CPED1: variants seen among roughly 807,000 people sequenced by gnomAD.
CPED1 encodes the protein cadherin like and PC-esterase domain containing 1, also known as cadherin-like and PC-esterase domain-containing protein 1.
A neutral mutation model predicts 128.2 loss-of-function variants in CPED1; 114 were observed. The ratio of observed to expected loss-of-function variants is 0.89; its 90% CI spans 0.76 to 1.04. CPED1 has a LOEUF of 1.04. Ranked by LOEUF, CPED1 falls within the 50% of genes least tolerant of loss-of-function variation. CPED1 has a pLI of 0.00. For synonymous variants in CPED1, 462 were observed against 426.7 expected (o/e 1.08, Z -1.02); for missense variants, 1,211 against 1,207.1 (o/e 1.00, Z -0.05).
At chr7:121,295,412 TCA>T (rs747382868) in intron 22 of CPED1, 26 bp from the exon 23 acceptor site, 21 of 1,589,988 alleles carry the variant, frequency 1.3e-5, no homozygotes, top group South Asian at 1.1e-5. Context: ...TGATTTTGCC[TCA>T]CAGTTTTCTT....
At chr7:121,139,309 T>C (rs938801550) in intron 14 of CPED1, among the ~76,000 whole-genome samples, 1 of 152,068 alleles carries the variant, frequency 6.6e-6, no homozygotes, top group Non-Finnish European at 1.5e-5. Context: ...ATCTATTGTA[T>C]TATTATTGTT....
chr7:121,075,854 A>C (rs1218398580), intron 5 of CPED1, among the ~76,000 whole-genome samples: 4 of 152,284 alleles, frequency 2.6e-5, no homozygotes, highest in African/African-American at 7.2e-5. Context: ...GTGTGGTTCA[A>C]CTTTGAGCTT....
rs572247004 is a variant in CPED1 at position 121,253,085 on chromosome 7, G to C, written c.2310+8747G>C. Among the ~76,000 whole-genome samples the C allele has an allele frequency of 1.2e-3, 183 of 152,068 alleles. 1 individual carries two copies. Among genetic ancestry groups the C allele is most frequent in the African/African-American group, 4.2e-3 (173 of 41,444 alleles). ...GCCAAATGTCCAACAATGATAGACT[G>C]GATTAAGAAAATGTGGCACATATAC... is the stretch of plus-strand genomic sequence containing the variant. On this transcript the variant is annotated intron_variant, in intron 18 of 22. Transcript: ENST00000310396.
intron 22 of CPED1, among the ~76,000 whole-genome samples, chr7:121,281,162 A>G (rs1010764808): frequency 6.6e-6 from 1 of 152,204 alleles, no homozygotes; most frequent in Non-Finnish European, 1.5e-5. Context: ...GATCAATCTT[A>G]AGAAAGGTAT....
chr7:121,054,990 A>G (rs1793457025), intron 4 of CPED1, among the ~76,000 whole-genome samples: 1 of 152,216 alleles, frequency 6.6e-6, no homozygotes, highest in South Asian at 2.1e-4. Flanking sequence ...ATTTCACCTT[A>G]GCAAACTCAT....
At chr7:121,229,588 A>G (rs1327334189) in intron 16 of CPED1, among the ~76,000 whole-genome samples, 1 of 152,054 alleles carries the variant, frequency 6.6e-6, no homozygotes, top group East Asian at 1.9e-4. Context: ...ACTTTACAGT[A>G]CTTATATATG....
intron 2 of CPED1, among the ~76,000 whole-genome samples, chr7:121,003,508 T>C (rs1241245450): frequency 1.3e-5 from 2 of 152,204 alleles, no homozygotes; most frequent in African/African-American, 4.8e-5. Context: ...TTGGGAATTT[T>C]AGATATTGGC....
intron 2 of CPED1, among the ~76,000 whole-genome samples, chr7:120,996,196 A>T (rs371632976): frequency 6.6e-5 from 10 of 152,146 alleles, no homozygotes; most frequent in African/African-American, 2.4e-4. Context: ...AGGTGGGAGG[A>T]TTGCTTGAGC....
intron 18 of CPED1, chr7:121,261,954 C>T (rs767271373): frequency 3.2e-5 from 14 of 437,728 alleles, no homozygotes; most frequent in South Asian, 9.4e-5. Flanking sequence ...CTCCAAGTCT[C>T]ATGTTGAAAT....
chr7:121,285,287 T>A (rs939718463), intron 22 of CPED1, among the ~76,000 whole-genome samples: 2 of 152,148 alleles, frequency 1.3e-5, no homozygotes, highest in African/African-American at 4.8e-5. Context: ...CTAAATCATT[T>A]TTCCCTCCTA....
intron 17 of CPED1, among the ~76,000 whole-genome samples, chr7:121,239,916 G>C (rs1011500671): frequency 6.6e-6 from 1 of 152,124 alleles, no homozygotes; most frequent in African/African-American, 2.4e-5. Context: ...GATTCATTCA[G>C]TGTTCAAATA....
chr7:121,209,698 G>T (rs951666353), intron 16 of CPED1, among the ~76,000 whole-genome samples: 3 of 151,972 alleles, frequency 2.0e-5, no homozygotes, highest in African/African-American at 7.2e-5. Flanking sequence ...TCTGAGCAAA[G>T]ATTTCTTGAG....
rs1450990753 is a variant in CPED1 at position 121,032,668 on chromosome 7, T to A, written c.434-14219T>A. ...CCACCACGGCACATGTATACTTACG[T>A]AACACACCTGCACGTTCTGCACATG... On this transcript the variant is annotated intron_variant, in intron 3 of 22. Coordinates refer to ENST00000310396, the MANE Select transcript of CPED1 (RefSeq NM_024913.5). Among the ~76,000 whole-genome samples, 5 of 151,524 alleles carry A rather than the reference T, an allele frequency of 3.3e-5. No individual in the cohort carries two copies. The East Asian group carries it at 9.7e-4, about 29-fold the overall frequency.
At chr7:121,062,044 A>G (rs545907631) in intron 4 of CPED1, among the ~76,000 whole-genome samples, 2 of 152,348 alleles carry the variant, frequency 1.3e-5, no homozygotes, top group East Asian at 3.9e-4. Context: ...GAAGGAACAC[A>G]GGGAGAAGTC....
chr7:121,037,909 G>C (rs1171414932), intron 3 of CPED1, among the ~76,000 whole-genome samples: 4 of 152,026 alleles, frequency 2.6e-5, no homozygotes, highest in African/African-American at 9.7e-5. Flanking sequence ...ATTTTGAAAG[G>C]GGTTGAGTTC....
At chr7:121,221,711 C>T (rs1053991956) in intron 16 of CPED1, among the ~76,000 whole-genome samples, 2 of 152,142 alleles carry the variant, frequency 1.3e-5, no homozygotes, top group Non-Finnish European at 2.9e-5. Context: ...TCTCTGATAA[C>T]CAGTGATGAT....
At chr7:121,096,769 C>T (rs1794709238) in intron 5 of CPED1, among the ~76,000 whole-genome samples, 1 of 151,924 alleles carries the variant, frequency 6.6e-6, no homozygotes. Context: ...TATGAAATAA[C>T]TCTGAATATG....
chr7:121,057,463 T>A (rs1490644613), intron 4 of CPED1, among the ~76,000 whole-genome samples: 1 of 152,182 alleles, frequency 6.6e-6, no homozygotes, highest in Non-Finnish European at 1.5e-5. Context: ...CCAATTTCAC[T>A]CACTGTGATC....
At chr7:121,152,355 C>T (rs1014014533) in intron 16 of CPED1, among the ~76,000 whole-genome samples, 1 of 152,074 alleles carries the variant, frequency 6.6e-6, no homozygotes, top group South Asian at 2.1e-4. Context: ...AAATTAAATT[C>T]TTGATAAAGT....
Sources: allele counts gnomAD v4.1 joint callset (sites outside exome capture counted in the v4.1 genomes callset), GRCh38; gene constraint gnomAD v4.1.1; transcripts MANE v1.5; gene names NCBI Gene and HGNC (gene_info 2026-07-23, HGNC 2026-07-21).